Variants in PCDHA2 observed in about 807,000 individuals in gnomAD.
PCDHA2 encodes protocadherin alpha-2.
In PCDHA2, 58 loss-of-function variants were observed where a neutral mutation model predicts 66.0. The observed-to-expected ratio is 0.88, with a 90% CI of 0.71 to 1.09. PCDHA2 has a LOEUF of 1.09. Ranked by LOEUF, PCDHA2 falls within the 50% of genes least tolerant of loss-of-function variation. The probability of loss-of-function intolerance (pLI) is 0.00; values close to 1 mark genes in which losing one functional copy is unlikely to be tolerated. For synonymous variants in PCDHA2, 634 were observed against 554.0 expected (o/e 1.14, Z -2.03); for missense variants, 1,267 against 1,242.3 (o/e 1.02, Z -0.30).
At chr5:140,842,766 C>A (rs2150343854) in intron 1 of PCDHA2, 6 of 1,594,742 alleles carry the variant, frequency 3.8e-6, no homozygotes, top group Non-Finnish European at 5.1e-6. Context: ...GCGCGAGACG[C>A]GGACGCGCAG....
chr5:140,819,748 G>T (rs1211997306), intron 1 of PCDHA2, among the ~76,000 whole-genome samples: 2 of 151,986 alleles, frequency 1.3e-5, no homozygotes, highest in African/African-American at 4.8e-5. Context: ...CAAAAGTCAA[G>T]AGTCTTGTTT....
At chr5:140,929,209 G>T in intron 1 of PCDHA2, 1 of 1,614,054 alleles carries the variant, frequency 6.2e-7, no homozygotes, top group Non-Finnish European at 8.5e-7. Context: ...GCTGTTGCGT[G>T]GGGAGTACAA....
intron 1 of PCDHA2, chr5:140,870,462 G>C: frequency 1.2e-6 from 2 of 1,614,196 alleles, no homozygotes; most frequent in Non-Finnish European, 1.7e-6. Flanking sequence ...ATGCGCCTGC[G>C]TTCGCACAGC....
chr5:140,959,320 A>C (rs2095480939), intron 1 of PCDHA2, among the ~76,000 whole-genome samples: 1 of 152,108 alleles, frequency 6.6e-6, no homozygotes, highest in Non-Finnish European at 1.5e-5. Context: ...AGCTGCAATA[A>C]GTTTTGATTA....
intron 1 of PCDHA2, chr5:140,967,492 G>T (rs1554229617): frequency 3.1e-6 from 5 of 1,613,380 alleles, no homozygotes; most frequent in Non-Finnish European, 4.2e-6. Flanking sequence ...GTACGGCACA[G>T]ATCTCTGTGC....
At chr5:140,926,861 G>T in intron 1 of PCDHA2, 1 of 1,522,578 alleles carries the variant, frequency 6.6e-7, no homozygotes, top group Non-Finnish European at 8.8e-7. Flanking sequence ...TTGGTGTAGC[G>T]TGTTGGTGGA....
chr5:140,883,175 A>G lies in PCDHA2; in HGVS notation c.2388+85823A>G, dbSNP rs1554177014. ...CATAAATCCGAACAATGGAGAAATTAGGACAAAAGGCAAACTAGATTTCGA... is the reference window on the plus strand; with the variant it reads ...CATAAATCCGAACAATGGAGAAATTGGGACAAAAGGCAAACTAGATTTCGA... On this transcript the variant is annotated intron_variant, in intron 1 of 3. Coordinates refer to ENST00000526136, the MANE Select transcript of PCDHA2 (RefSeq NM_018905.3). 3 of 1,614,060 alleles carry G rather than the reference A, an allele frequency of 1.9e-6. No individual in the cohort carries two copies. Among genetic ancestry groups the G allele is most frequent in the East Asian group, 4.5e-5 (2 of 44,892 alleles).
chr5:140,822,575 A>G (rs2150117387), intron 1 of PCDHA2: 13 of 1,610,462 alleles, frequency 8.1e-6, no homozygotes, highest in Non-Finnish European at 1.1e-5. Context: ...AACGCCTCAG[A>G]TGCAGATGAG....
intron 1 of PCDHA2, chr5:140,852,049 T>C (rs2042227542): frequency 2.2e-6 from 2 of 915,990 alleles, no homozygotes; most frequent in Non-Finnish European, 2.7e-6. Flanking sequence ...TGTTATGTGG[T>C]TTATATTTTT....
At chr5:140,960,065 C>G (rs953730101) in intron 1 of PCDHA2, among the ~76,000 whole-genome samples, 1 of 152,120 alleles carries the variant, frequency 6.6e-6, no homozygotes, top group Non-Finnish European at 1.5e-5. Flanking sequence ...ACAGAAGATT[C>G]AATTGAAGTT....
At chr5:140,848,693 G>C in intron 1 of PCDHA2, 1 of 1,592,386 alleles carries the variant, frequency 6.3e-7, no homozygotes, top group Non-Finnish European at 8.6e-7. Context: ...TGTTCCAGTT[G>C]GATTCCAAAG....
Position 140,830,475 on chromosome 5 carries a change from A to G in PCDHA2, c.2388+33123A>G, listed in dbSNP as rs2150187028. Reference sequence around the variant, plus strand: ...GAGAATCAGGATTTAAATGAAGATCATGATGCCAAAGTAAGTGAATTTTCA... The same window carrying G: ...GAGAATCAGGATTTAAATGAAGATCGTGATGCCAAAGTAAGTGAATTTTCA... On this transcript the variant is annotated intron_variant, in intron 1 of 3. Coordinates refer to ENST00000526136, the MANE Select transcript of PCDHA2 (RefSeq NM_018905.3). 8.3e-5 allele frequency: 129 copies of G among 1,550,270 alleles called. No individual in the cohort carries two copies. The highest frequency in any genetic ancestry group is 9.5e-5 in the Non-Finnish European group (109 of 1,144,322).
chr5:140,953,607 G>A (rs1040886184), intron 1 of PCDHA2, among the ~76,000 whole-genome samples: 21 of 152,152 alleles, frequency 1.4e-4, no homozygotes, highest in African/African-American at 4.8e-4. Flanking sequence ...ATTCCCCAGA[G>A]TCCTTAGATA....
intron 1 of PCDHA2, chr5:140,860,355 TG>T (rs1218123475): frequency 1.3e-5 from 2 of 152,074 alleles, no homozygotes; most frequent in African/African-American, 2.4e-5. Context: ...CACTCCAGCC[TG>T]GATGACAAAG....
At chr5:140,934,279 A>G (rs2089746811) in intron 1 of PCDHA2, among the ~76,000 whole-genome samples, 1 of 152,104 alleles carries the variant, frequency 6.6e-6, no homozygotes, top group South Asian at 2.1e-4. Flanking sequence ...TGCTTCATCA[A>G]GGGCATTCTT....
chr5:140,877,422 G>A (rs781813282), intron 1 of PCDHA2: 2 of 1,613,784 alleles, frequency 1.2e-6, no homozygotes, highest in Admixed American at 1.7e-5. Context: ...TGCTGGTGCT[G>A]GTGAAGGACC....
chr5:140,866,156 GAA>G (rs1441624325), intron 1 of PCDHA2: 1 of 152,104 alleles, frequency 6.6e-6, no homozygotes, highest in Admixed American at 6.5e-5. Flanking sequence ...ATATAAGTAA[GAA>G]TCGTTTAACA....
At chr5:140,990,778 T>C (rs2097414170) in intron 3 of PCDHA2, among the ~76,000 whole-genome samples, 1 of 152,208 alleles carries the variant, frequency 6.6e-6, no homozygotes, top group South Asian at 2.1e-4. Flanking sequence ...GGCTCTGTGT[T>C]GGACGATGAA....
At chr5:140,918,155 A>T (rs1453787502) in intron 1 of PCDHA2, among the ~76,000 whole-genome samples, 1 of 152,054 alleles carries the variant, frequency 6.6e-6, no homozygotes, top group Admixed American at 6.5e-5. Flanking sequence ...GTGTATGTCT[A>T]TTGTAAATGG....
Sources: allele counts gnomAD v4.1 joint callset (sites outside exome capture counted in the v4.1 genomes callset), GRCh38; gene constraint gnomAD v4.1.1; transcripts MANE v1.5; gene names NCBI Gene and HGNC (gene_info 2026-07-23, HGNC 2026-07-21).